IAPP: variants seen among roughly 807,000 people sequenced by gnomAD.
IAPP encodes the protein islet amyloid polypeptide.
Under a neutral mutation model 2.9 loss-of-function variants are expected in IAPP, and 4 were observed. That is an observed-to-expected ratio of 1.39 (90% CI 0.69 to 3.19). IAPP has a LOEUF of 3.19. IAPP is among the 30% of genes most tolerant of loss of function. IAPP has a pLI of 0.01. For synonymous variants in IAPP, 40 were observed against 42.1 expected, an observed-to-expected ratio of 0.95 and a Z score of 0.19; for missense variants, 114 against 105.3, an observed-to-expected ratio of 1.08 and a Z score of -0.36.
chr12:21,362,196 G>C (rs12830157), intron 1 of IAPP, among the ~76,000 whole-genome samples: 49,207 of 151,710 alleles, frequency 0.32, 8,286 homozygotes, highest in East Asian at 0.46. Context: ...CAGTGAGCGG[G>C]TCTCTCGGCA....
At chr12:21,362,278 A>C (rs1938968581) in intron 1 of IAPP, among the ~76,000 whole-genome samples, 1 of 152,168 alleles carries the variant, frequency 6.6e-6, no homozygotes, top group Non-Finnish European at 1.5e-5. Flanking sequence ...TTCAACCCAG[A>C]ATTTCATACC....
chr12:21,362,765 C>G (rs1239650185), intron 1 of IAPP, among the ~76,000 whole-genome samples: 1 of 152,142 alleles, frequency 6.6e-6, no homozygotes, highest in Non-Finnish European at 1.5e-5. Context: ...TCTGATAAAA[C>G]AGACTTTAAA....
upstream of IAPP, among the ~76,000 whole-genome samples, chr12:21,368,300 C>T (rs1490983502): frequency 1.3e-5 from 2 of 152,152 alleles, no homozygotes; most frequent in Middle Eastern, 3.4e-3. Flanking sequence ...TGATACCACA[C>T]GTATGCCATC....
rs1234535012 is a variant in IAPP, at chr12:21,379,093, AGTAATT to A, written c.*672_*677del. On this transcript the variant is annotated 3_prime_UTR_variant, in exon 3 of 3. Coordinates refer to ENST00000240652, the MANE Select transcript of IAPP (RefSeq NM_000415.3). Reference sequence around the variant, plus strand: ...CGTCTCAAAAAAAAGAAAGAAAATTAGTAATTGTAAGTACCCCTGATAAGCAAATTA... The same window carrying A: ...CGTCTCAAAAAAAAGAAAGAAAATTAGTAAGTACCCCTGATAAGCAAATTA... 6.6e-6 allele frequency: 1 copy of A among 152,216 alleles called. No individual in the cohort carries two copies. The highest frequency in any genetic ancestry group is 2.4e-5 in the African/African-American group (1 of 41,460). The allele number at this position is 152,216 out of a possible 1,614,324, so 9.4% of individuals were successfully genotyped here. A position where few individuals can be genotyped will look rare whatever the true frequency, so the allele number is the denominator to read the frequency against.
chr12:21,358,042 C>A (rs369741234), intron 1 of IAPP, among the ~76,000 whole-genome samples: 14 of 152,184 alleles, frequency 9.2e-5, no homozygotes, highest in African/African-American at 3.4e-4. Flanking sequence ...GGTCTCCTGT[C>A]TCTTTTCAAA....
intron 1 of IAPP, among the ~76,000 whole-genome samples, chr12:21,356,728 C>G (rs1324426365): frequency 2.0e-5 from 3 of 151,944 alleles, no homozygotes; most frequent in African/African-American, 7.2e-5. Context: ...GACAAACAGG[C>G]AGAAACATTT....
intron 2 of IAPP, 130 bp from the exon 3 acceptor site, chr12:21,378,107 C>T: frequency 2.5e-6 from 2 of 805,518 alleles, no homozygotes; most frequent in South Asian, 3.7e-5. Flanking sequence ...GTTTGCAAAC[C>T]AAAACACTGA....
intron 1 of IAPP, among the ~76,000 whole-genome samples, chr12:21,360,015 TA>T (rs903881647): frequency 3.0e-4 from 43 of 143,596 alleles, no homozygotes; most frequent in Admixed American, 2.8e-4. Flanking sequence ...TTATGCTATG[TA>T]AAAAAAAAAA....
chr12:21,371,640 A>G (rs1939798016), upstream of IAPP, among the ~76,000 whole-genome samples: 1 of 152,206 alleles, frequency 6.6e-6, no homozygotes, highest in Non-Finnish European at 1.5e-5. Flanking sequence ...CTGACAATTG[A>G]AATTTATTTG....
At chr12:21,371,250 C>T (rs763978765), upstream of IAPP, among the ~76,000 whole-genome samples, 1 of 152,132 alleles carries the variant, frequency 6.6e-6, no homozygotes, top group African/African-American at 2.4e-5. Context: ...TTATGGAAAG[C>T]TGCTTTCCAT....
At chr12:21,362,592 GAC>G (rs1939004433) in intron 1 of IAPP, among the ~76,000 whole-genome samples, 1 of 152,136 alleles carries the variant, frequency 6.6e-6, no homozygotes, top group Non-Finnish European at 1.5e-5. Context: ...CCAATTAGAA[GAC>G]ACAGACTGGC....
intron 1 of IAPP, among the ~76,000 whole-genome samples, chr12:21,363,867 T>C (rs906464931): frequency 6.6e-6 from 1 of 152,152 alleles, no homozygotes; most frequent in Non-Finnish European, 1.5e-5. Context: ...AATCCCTGAA[T>C]AGACCAATAA....
intron 1 of IAPP, among the ~76,000 whole-genome samples, chr12:21,365,220 T>C (rs527903872): frequency 2.0e-5 from 3 of 152,120 alleles, no homozygotes; most frequent in African/African-American, 2.4e-5. Flanking sequence ...TGGAACAGAA[T>C]AGAGCCCTCA....
In IAPP at chr12:21,378,830, A is replaced by C. The variant is rs1448815756; in HGVS notation, c.*404A>C. ...GGTGGCTCTTGCCTGTAATCCCAGC[A>C]CTTTGGGAGGCCGAGGCAGGCAGAT... On this transcript the variant is annotated 3_prime_UTR_variant, in exon 3 of 3. Coordinates refer to ENST00000240652, the MANE Select transcript of IAPP (RefSeq NM_000415.3). 5.9e-6 allele frequency: 1 copy of C among 169,226 alleles called. No individual in the cohort carries two copies. Among genetic ancestry groups the C allele is most frequent in the East Asian group, 1.6e-4 (1 of 6,272 alleles). The allele number at this position is 169,226 out of a possible 1,614,324, so 10.5% of individuals were successfully genotyped here. A position where few individuals can be genotyped will look rare whatever the true frequency, so the allele number is the denominator to read the frequency against.
At chr12:21,373,294 T>G (rs1939933941) in intron 1 of IAPP, 43 bp from the exon 2 acceptor site, 1 of 1,141,358 alleles carries the variant, frequency 8.8e-7, no homozygotes, top group Non-Finnish European at 1.3e-6. Context: ...CAATTAGAAC[T>G]GTAAGAAATC....
chr12:21,373,123 T>C, intron 1 of IAPP, 119 bp downstream of exon 1: 3 of 569,444 alleles, frequency 5.3e-6, no homozygotes, highest in Non-Finnish European at 9.3e-6. Context: ...AATATAAATG[T>C]TCAGATTGCT....
intron 1 of IAPP, 146 bp from the exon 2 acceptor site, chr12:21,373,191 T>C (rs932224866): frequency 1.5e-6 from 1 of 648,404 alleles, no homozygotes; most frequent in African/African-American, 1.8e-5. Context: ...TGGACAATAT[T>C]AAGGGACTGT....
upstream of IAPP, among the ~76,000 whole-genome samples, chr12:21,372,499 A>C (rs1045266780): frequency 2.2e-4 from 34 of 152,098 alleles, no homozygotes; most frequent in Non-Finnish European, 4.6e-4. Context: ...CTGAAGCTTC[A>C]TGGGATTCAG....
At chr12:21,355,480 G>A (rs1468283036) in intron 1 of IAPP, among the ~76,000 whole-genome samples, 1 of 152,166 alleles carries the variant, frequency 6.6e-6, no homozygotes, top group Non-Finnish European at 1.5e-5. Flanking sequence ...GTTGTTCTGG[G>A]AGAAAATACT....
Sources: gnomAD v4.1 joint callset for allele counts (sites outside exome capture counted in the v4.1 genomes callset) on GRCh38, gnomAD v4.1.1 for gene constraint, MANE v1.5 for transcripts, NCBI Gene and HGNC (gene_info 2026-07-23, HGNC 2026-07-21) for gene names.